The following SAMMSON variants were observed in gnomAD, a reference collection of about 807,000 sequenced individuals.
SAMMSON encodes survival associated mitochondrial melanoma specific oncogenic non-coding RNA.
At chr3:70,207,931 C>T (rs772064070) in intron 4 of SAMMSON, among the ~76,000 whole-genome samples, 2 of 152,032 alleles carry the variant, frequency 1.3e-5, no homozygotes, top group African/African-American at 2.4e-5. Context: ...CTGCAACAAG[C>T]GCTGGGCTGT....
At chr3:70,101,276 A>G (rs1393838482) in intron 4 of SAMMSON, among the ~76,000 whole-genome samples, 1 of 152,180 alleles carries the variant, frequency 6.6e-6, no homozygotes, top group Non-Finnish European at 1.5e-5. Context: ...AAAACCATAC[A>G]TATTATAATA....
intron 4 of SAMMSON, chr3:70,126,325 C>T: frequency 8.5e-7 from 1 of 1,175,178 alleles, no homozygotes; most frequent in Admixed American, 2.0e-5. Flanking sequence ...TTTGCAAATT[C>T]AAAGACTAAA....
intron 3 of SAMMSON, chr3:70,070,132 TA>T (rs1430683728): frequency 6.6e-6 from 1 of 152,042 alleles, no homozygotes; most frequent in East Asian, 1.9e-4. Flanking sequence ...AAGTAATTCT[TA>T]AAAAATCTTT....
At chr3:70,232,605 G>A (rs1420845572) in intron 4 of SAMMSON, among the ~76,000 whole-genome samples, 1 of 151,876 alleles carries the variant, frequency 6.6e-6, no homozygotes, top group African/African-American at 2.4e-5. Flanking sequence ...TCACTGTGTG[G>A]GCCAGGATGG....
At chr3:70,269,810 A>T (rs897349305) in intron 6 of SAMMSON, among the ~76,000 whole-genome samples, 1 of 152,200 alleles carries the variant, frequency 6.6e-6, no homozygotes, top group Non-Finnish European at 1.5e-5. Flanking sequence ...ATTTAAACGA[A>T]ATCACATCTC....
chr3:70,032,029 G>A (rs1240406800), intron 3 of SAMMSON, among the ~76,000 whole-genome samples: 1 of 152,092 alleles, frequency 6.6e-6, no homozygotes, highest in Non-Finnish European at 1.5e-5. Context: ...CTAACCATAA[G>A]TTTTATAAAA....
chr3:70,243,565 G>T (rs989491772), intron 4 of SAMMSON, among the ~76,000 whole-genome samples: 2 of 152,080 alleles, frequency 1.3e-5, no homozygotes, highest in East Asian at 1.9e-4. Flanking sequence ...CTGCACTATC[G>T]TCATTTTGGA....
At chr3:70,119,096 C>A (rs367991454) in intron 4 of SAMMSON, among the ~76,000 whole-genome samples, 3 of 152,088 alleles carry the variant, frequency 2.0e-5, no homozygotes, top group Non-Finnish European at 4.4e-5. Context: ...GACGGAGTTT[C>A]GCTCTTGTTA....
At chr3:70,288,098 T>G in intron 6 of SAMMSON, among the ~76,000 whole-genome samples, 1 of 148,752 alleles carries the variant, frequency 6.7e-6, no homozygotes, top group Admixed American at 6.7e-5. Flanking sequence ...TGCCTTCTGC[T>G]AGCTTTTGAA....
intron 3 of SAMMSON, among the ~76,000 whole-genome samples, chr3:70,048,354 T>G (rs1318796503): frequency 6.6e-6 from 1 of 152,172 alleles, no homozygotes; most frequent in Non-Finnish European, 1.5e-5. Context: ...TTTCCTCATC[T>G]GTAGCTGAGG....
intron 2 of SAMMSON, among the ~76,000 whole-genome samples, chr3:70,398,734 G>C (rs996446191): frequency 6.6e-6 from 1 of 152,152 alleles, no homozygotes; most frequent in Non-Finnish European, 1.5e-5. Context: ...ACCAGATAGG[G>C]AGTGTGTGGT....
intron 4 of SAMMSON, among the ~76,000 whole-genome samples, chr3:70,202,641 C>A (rs955802982): frequency 6.6e-6 from 1 of 152,118 alleles, no homozygotes; most frequent in Non-Finnish European, 1.5e-5. Context: ...CAGAGACCTG[C>A]AGGCTGCACA....
intron 6 of SAMMSON, among the ~76,000 whole-genome samples, chr3:70,265,934 A>G (rs1440614083): frequency 2.0e-5 from 3 of 152,040 alleles, no homozygotes; most frequent in Non-Finnish European, 4.4e-5. Context: ...TGATCCAGTT[A>G]CCTCCACCTG....
chr3:70,026,206 C>T lies in SAMMSON; in HGVS notation n.417+12534C>T, dbSNP rs1274869333. Among the ~76,000 whole-genome samples, 7 of 152,134 alleles carry T rather than the reference C, an allele frequency of 4.6e-5. No homozygotes were observed. The East Asian group carries it at 1.3e-3, about 29-fold the overall frequency. On this transcript the variant is annotated intron_variant and non_coding_transcript_variant, in intron 3 of 9. Transcript: ENST00000642114. ...TGTCATTGGAAGATGATATTTACTG[C>T]TGCTCTCCAGACATTGAATATATTC...
At chr3:70,012,863 T>C (rs779815529) in intron 2 of SAMMSON, among the ~76,000 whole-genome samples, 6 of 152,090 alleles carry the variant, frequency 3.9e-5, no homozygotes, top group Non-Finnish European at 5.9e-5. Flanking sequence ...CGTACATAGA[T>C]AGGATGGTAT....
intron 2 of SAMMSON, among the ~76,000 whole-genome samples, chr3:70,409,109 A>ACCC (rs1701198640): frequency 6.6e-6 from 1 of 152,164 alleles, no homozygotes; most frequent in Admixed American, 6.5e-5. Flanking sequence ...GTCTCCCGTA[A>ACCC]CACATGGGAA....
intron 2 of SAMMSON, among the ~76,000 whole-genome samples, chr3:70,421,948 A>T (rs925333557): frequency 3.9e-5 from 6 of 152,060 alleles, no homozygotes. Flanking sequence ...GAAAATGTAG[A>T]TGGAATTGAC....
At chr3:70,072,646 G>GAAAAAAAAAAAAAAAAAAAAAAAGAA (rs35807309) in intron 4 of SAMMSON, 1 of 87,690 alleles carries the variant, frequency 1.1e-5, no homozygotes, top group Non-Finnish European at 2.3e-5. Flanking sequence ...AACAGCAAAG[G>GAAAAAAAAAAAAAAAAAAAAAAAGAA]AAAAAAAAAA....
At chr3:70,241,279 CA>C (rs1203835957) in intron 4 of SAMMSON, among the ~76,000 whole-genome samples, 1 of 152,084 alleles carries the variant, frequency 6.6e-6, no homozygotes, top group East Asian at 1.9e-4. Flanking sequence ...AACATAAAAT[CA>C]AAAGGCAAAT....
Sources: gnomAD v4.1 joint callset for allele counts (sites outside exome capture counted in the v4.1 genomes callset) on GRCh38, gnomAD v4.1.1 for gene constraint, MANE v1.5 for transcripts, NCBI Gene and HGNC (gene_info 2026-07-23, HGNC 2026-07-21) for gene names.